NAA11: variants seen among roughly 807,000 people sequenced by gnomAD.
The protein encoded by NAA11 is N-alpha-acetyltransferase 11.
NAA11 carries 15 observed loss-of-function variants against 16.1 expected under a neutral mutation model. The observed-to-expected ratio is 0.93, with a 90% CI of 0.62 to 1.44. NAA11 has a LOEUF of 1.44. Among genes scored for constraint, NAA11 ranks in the 40% most tolerant of loss-of-function variants. The probability of loss-of-function intolerance (pLI) is 0.00; values close to 1 mark genes in which losing one functional copy is unlikely to be tolerated. For missense variants in NAA11, 298 were observed against 291.3 expected (o/e 1.02, Z -0.17); for synonymous variants, 122 against 112.4 (o/e 1.09, Z -0.54).
the NAA11 span, among the ~76,000 whole-genome samples, chr4:79,208,925 CAAAAAAAAAAA>C: frequency 1.9e-5 from 1 of 53,970 alleles, no homozygotes; most frequent in Non-Finnish European, 3.6e-5. Context: ...ATATAACTGC[CAAAAAAAAAAA>C]AAAAAAAAAA....
intron 2 of NAA11, among the ~76,000 whole-genome samples, chr4:79,254,562 T>G (rs1722061641): frequency 6.6e-6 from 1 of 152,046 alleles, no homozygotes; most frequent in Admixed American, 6.5e-5. Context: ...TTTTATGTTT[T>G]TAAGTGAATT....
chr4:79,298,357 G>C (rs1482148344), intron 1 of NAA11, among the ~76,000 whole-genome samples: 1 of 152,224 alleles, frequency 6.6e-6, no homozygotes, highest in Non-Finnish European at 1.5e-5. Flanking sequence ...TGCTTGCCAG[G>C]TTGCGGGAGA....
intron 1 of NAA11, among the ~76,000 whole-genome samples, chr4:79,309,136 C>A (rs1225529190): frequency 1.3e-5 from 2 of 152,188 alleles, no homozygotes; most frequent in African/African-American, 2.4e-5. Context: ...AATCTACCAA[C>A]CTTTTCTTTC....
the NAA11 span, among the ~76,000 whole-genome samples, chr4:79,200,609 A>C: frequency 6.6e-6 from 1 of 151,818 alleles, no homozygotes; most frequent in Admixed American, 6.6e-5. Flanking sequence ...TTCCCTACAG[A>C]AGCCATAGGA....
the NAA11 span, among the ~76,000 whole-genome samples, chr4:79,200,218 C>T: frequency 6.6e-6 from 1 of 151,740 alleles, no homozygotes; most frequent in Admixed American, 6.6e-5. Context: ...AATTATAACT[C>T]CCTTATAGGA....
At chr4:79,159,966 A>G in the NAA11 span, among the ~76,000 whole-genome samples, 1 of 150,480 alleles carries the variant, frequency 6.6e-6, no homozygotes, top group South Asian at 2.1e-4. Flanking sequence ...GTTCATCTAG[A>G]TAGATATTTG....
At chr4:79,188,594 G>GAA in the NAA11 span, among the ~76,000 whole-genome samples, 10 of 136,338 alleles carry the variant, frequency 7.3e-5, no homozygotes, top group African/African-American at 1.9e-4. Flanking sequence ...CAAAAAAAAA[G>GAA]AAAAAAAAAA....
the NAA11 span, among the ~76,000 whole-genome samples, chr4:79,182,616 C>T: frequency 2.0e-5 from 3 of 152,082 alleles, no homozygotes; most frequent in Admixed American, 6.5e-5. Context: ...AAAGGTCAGG[C>T]TTTGAGTGAG....
chr4:79,257,767 A>C (rs1413235150), intron 2 of NAA11, among the ~76,000 whole-genome samples: 2 of 152,104 alleles, frequency 1.3e-5, no homozygotes, highest in East Asian at 3.8e-4. Context: ...ATTTTAACTA[A>C]TTTTGGAATG....
chr4:79,236,208 T>A (rs540924676), intron 2 of NAA11, among the ~76,000 whole-genome samples: 1 of 152,128 alleles, frequency 6.6e-6, no homozygotes, highest in Non-Finnish European at 1.5e-5. Flanking sequence ...ATTACAGATA[T>A]TTTACTTACT....
intron 2 of NAA11, among the ~76,000 whole-genome samples, chr4:79,269,553 G>GT (rs1161753981): frequency 7.3e-5 from 11 of 149,914 alleles, no homozygotes; most frequent in Admixed American, 4.6e-4. Flanking sequence ...GGGGTTGTTT[G>GT]TTTTTTTCTT....
chr4:79,172,436 TTTAA>T, the NAA11 span, among the ~76,000 whole-genome samples: 124 of 152,296 alleles, frequency 8.1e-4, no homozygotes, highest in Non-Finnish European at 1.3e-3. Context: ...CAGTTGGCAC[TTTAA>T]TTATATGCTT....
At chr4:79,258,000 T>C (rs2109972155) in intron 2 of NAA11, among the ~76,000 whole-genome samples, 1 of 152,360 alleles carries the variant, frequency 6.6e-6, no homozygotes, top group Non-Finnish European at 1.5e-5. Flanking sequence ...ATAACAGTAG[T>C]GGCCCATCTG....
In NAA11 at chr4:79,298,594, C is replaced by T. The variant is rs890065245; in HGVS notation, c.*13-4480G>A. On this transcript the variant is annotated intron_variant and NMD_transcript_variant, in intron 1 of 2. Transcript: ENST00000511542. ...GTGCCAGCACCTGGAGTTCCCACCC[C>T]ACTGCAGCAGTTGGTGTGTCTGACT... 3.8e-4 allele frequency among the ~76,000 whole-genome samples: 58 copies of T among 152,236 alleles called. 1 individual carries two copies. Among genetic ancestry groups the T allele is most frequent in the Non-Finnish European group, 3.2e-4 (22 of 68,046 alleles).
chr4:79,314,664 AGACTC>A (rs1723877045), downstream of NAA11, among the ~76,000 whole-genome samples: 1 of 148,784 alleles, frequency 6.7e-6, no homozygotes, highest in Admixed American at 6.7e-5. Flanking sequence ...AAAAAAAAAA[AGACTC>A]AGTAGTCTTT....
At chr4:79,214,746 C>T in the NAA11 span, among the ~76,000 whole-genome samples, 6 of 151,962 alleles carry the variant, frequency 3.9e-5, no homozygotes, top group Non-Finnish European at 8.8e-5. Context: ...TGCAGTGAGC[C>T]GAGATGGCGC....
intron 2 of NAA11, among the ~76,000 whole-genome samples, chr4:79,262,963 A>G (rs969389847): frequency 2.6e-5 from 4 of 152,186 alleles, no homozygotes; most frequent in African/African-American, 7.2e-5. Flanking sequence ...AGAAACTTAC[A>G]TATAAAAGGG....
intron 1 of NAA11, among the ~76,000 whole-genome samples, chr4:79,302,944 CT>C (rs1269311505): frequency 6.6e-6 from 1 of 151,550 alleles, no homozygotes; most frequent in East Asian, 1.9e-4. Flanking sequence ...TTGTTTGAGA[CT>C]TTGAATTTTA....
chr4:79,244,681 G>C (rs1448773916), intron 2 of NAA11: 3 of 111,842 alleles, frequency 2.7e-5, no homozygotes, highest in African/African-American at 1.0e-4. Context: ...CTCTGTTGCC[G>C]AGGCAGGACT....
Sources: gnomAD v4.1 joint callset for allele counts (sites outside exome capture counted in the v4.1 genomes callset) on GRCh38, gnomAD v4.1.1 for gene constraint, MANE v1.5 for transcripts, NCBI Gene and HGNC (gene_info 2026-07-23, HGNC 2026-07-21) for gene names.